The following ACAD11 variants were observed in gnomAD, a reference collection of about 807,000 sequenced individuals.
The protein encoded by ACAD11 is acyl-CoA dehydrogenase family member 11, also known as acyl-Coenzyme A dehydrogenase family, member 11.
Under a neutral mutation model 102.2 loss-of-function variants are expected in ACAD11, and 83 were observed. That is an observed-to-expected ratio of 0.81 (90% CI 0.68 to 0.97). The LOEUF is 0.97. ACAD11 is among the 50% of genes least tolerant of loss of function. The probability of loss-of-function intolerance (pLI) is 0.00; values close to 1 mark genes in which losing one functional copy is unlikely to be tolerated. For synonymous variants in ACAD11, 324 were observed against 319.8 expected, an observed-to-expected ratio of 1.01 and a Z score of -0.14; for missense variants, 901 against 951.7, an observed-to-expected ratio of 0.95 and a Z score of 0.70.
At chr3:132,640,666 C>A (rs566593444) in intron 4 of ACAD11, among the ~76,000 whole-genome samples, 4 of 152,128 alleles carry the variant, frequency 2.6e-5, no homozygotes, top group East Asian at 1.9e-4. Context: ...AAGCCACTTA[C>A]TTGTGTATTA....
At chr3:132,562,242 T>C (rs1197813253) in intron 17 of ACAD11, among the ~76,000 whole-genome samples, 1 of 152,210 alleles carries the variant, frequency 6.6e-6, no homozygotes, top group African/African-American at 2.4e-5. Context: ...TAGCTGGGAC[T>C]ACAGGCGCCC....
chr3:132,628,578 G>T, intron 7 of ACAD11, 132 bp from the exon 8 acceptor site: 2 of 573,298 alleles, frequency 3.5e-6, no homozygotes, highest in South Asian at 2.4e-5. Flanking sequence ...GACTATCGAC[G>T]ATATTAATGT....
intron 1 of ACAD11, chr3:132,646,419 A>C (rs1350308036): frequency 6.6e-6 from 1 of 152,216 alleles, no homozygotes; most frequent in African/African-American, 2.4e-5. Flanking sequence ...TTACAAACAC[A>C]TTTTTTAAAA....
At chr3:132,582,007 C>T (rs963050361) in intron 13 of ACAD11, among the ~76,000 whole-genome samples, 3 of 151,600 alleles carry the variant, frequency 2.0e-5, no homozygotes, top group Admixed American at 6.6e-5. Flanking sequence ...ATACAAGTTA[C>T]AATAAGAAAG....
rs1020022967 is a variant in ACAD11, at chr3:132,558,707, G to T, written c.*264C>A. 5.3e-6 allele frequency: 2 copies of T among 374,540 alleles called. No individual in the cohort carries two copies. Among genetic ancestry groups the T allele is most frequent in the Non-Finnish European group, 9.5e-6 (2 of 210,424 alleles). 23.2% of individuals were successfully genotyped at this position (374,540 alleles called of 1,614,324 possible). A position where few individuals can be genotyped will look rare whatever the true frequency, so the allele number is the denominator to read the frequency against. On this transcript the variant is annotated 3_prime_UTR_variant, in exon 20 of 20. Coordinates refer to ENST00000264990, the MANE Select transcript of ACAD11 (RefSeq NM_032169.5). ...GTAGCAATGGGGGTCTCGCTATGTT[G>T]CCCAGGCTGGTCCTGAACTCCTGGC...
intron 6 of ACAD11, 44 bp downstream of exon 6, chr3:132,631,297 A>T (rs776105527): frequency 8.3e-7 from 1 of 1,202,466 alleles, no homozygotes; most frequent in East Asian, 2.9e-5. Flanking sequence ...TAATAAAGAC[A>T]GTTTTATATT....
intron 12 of ACAD11, among the ~76,000 whole-genome samples, chr3:132,603,701 C>A (rs960386551): frequency 6.6e-6 from 1 of 152,220 alleles, no homozygotes; most frequent in Admixed American, 6.5e-5. Context: ...AGATTCCCCC[C>A]ATATAGTTTA....
chr3:132,639,097 AAAT>A (rs1940383596), intron 5 of ACAD11, among the ~76,000 whole-genome samples: 1 of 152,242 alleles, frequency 6.6e-6, no homozygotes. Context: ...TATAATAAAC[AAAT>A]AATAAATTCT....
intron 17 of ACAD11, 92 bp downstream of exon 17, chr3:132,575,680 A>C: frequency 7.4e-6 from 11 of 1,478,606 alleles, no homozygotes; most frequent in African/African-American, 1.4e-5. Context: ...CGGTTCATGT[A>C]GAGAAAGTCT....
rs143271405 is a variant in ACAD11, at chr3:132,561,187, G to A, written c.2032C>T (p.Arg678Cys). 5.6e-5 allele frequency: 90 copies of A among 1,613,170 alleles called. 1 individual carries two copies. The highest frequency in any genetic ancestry group is 1.6e-4 in the Middle Eastern group (1 of 6,082). Residue 678 changes from arginine to cysteine, a missense_variant, in exon 18 of 20, where the codon CGC becomes TGC. By Grantham distance (180) the Arg-to-Cys change is radical. Transcript: ENST00000264990. ...EVVAHWIAESRIAIEKIRLLT... is the reference protein window; with the variant it reads ...EVVAHWIAESCIAIEKIRLLT... The stretch of plus-strand genomic sequence containing the variant: ...AAGCGGATCTTCTCAATGGCAATGC[G>A]GCTTTCAGCAATCCAGTGAGCCACA...
At position 132,567,225 on chromosome 3, in the gene ACAD11, C is replaced by T. The variant is rs938552856; in HGVS notation, c.2002-6008G>A. Among the ~76,000 whole-genome samples, 8 of 152,204 alleles carry T rather than the reference C, an allele frequency of 5.3e-5. No homozygotes were observed. In the East Asian group the frequency reaches 5.8e-4, roughly 11 times the overall value. On this transcript the variant is annotated intron_variant, in intron 17 of 19. Coordinates refer to ENST00000264990, the MANE Select transcript of ACAD11 (RefSeq NM_032169.5). ...AACTCCTGACCTCAAATGATCCACCCGCCATGGCCTCCCAAAGTGTGGGAT... is the reference window on the plus strand; with the variant it reads ...AACTCCTGACCTCAAATGATCCACCTGCCATGGCCTCCCAAAGTGTGGGAT...
In ACAD11 at chr3:132,558,959, G is replaced by A. The variant is rs765821060; in HGVS notation, c.*12C>T. On this transcript the variant is annotated 3_prime_UTR_variant, in exon 20 of 20. Coordinates refer to ENST00000264990, the MANE Select transcript of ACAD11 (RefSeq NM_032169.5). ...GAGTTTCTGCCAGTGGGATGTGGCA[G>A]TGCCACCCTCCTTATATCTTGGCTG... is the stretch of plus-strand genomic sequence containing the variant. 4 of 1,596,924 alleles carry A rather than the reference G, an allele frequency of 2.5e-6. No individual in the cohort carries two copies.
At chr3:132,605,056 G>T in intron 12 of ACAD11, 42 bp downstream of exon 12, 1 of 1,473,668 alleles carries the variant, frequency 6.8e-7, no homozygotes, top group East Asian at 2.3e-5. Flanking sequence ...ATAACTCCGG[G>T]ACGACTGACT....
chr3:132,654,853 C>A (rs568221454), intron 1 of ACAD11, among the ~76,000 whole-genome samples: 3 of 152,166 alleles, frequency 2.0e-5, no homozygotes, highest in Admixed American at 1.3e-4. Flanking sequence ...GGCACTGATT[C>A]GTTGTGAAAC....
intron 13 of ACAD11, chr3:132,600,441 A>G: frequency 1.2e-6 from 2 of 1,609,694 alleles, no homozygotes; most frequent in Non-Finnish European, 1.7e-6. Flanking sequence ...TATTATGAGG[A>G]AAATGAAATG....
Position 132,603,339 on chromosome 3 carries a change from C to A in ACAD11, c.1523-12G>T. On this transcript the variant is annotated splice_polypyrimidine_tract_variant and intron_variant, in intron 12 of 19. Coordinates refer to ENST00000264990, the MANE Select transcript of ACAD11 (RefSeq NM_032169.5). ...AGCTACATCAGGTTCTATAAATAAACAAAAGCTGAATTTACAGGCAGGCAG... is the reference window on the plus strand; with the variant it reads ...AGCTACATCAGGTTCTATAAATAAAAAAAAGCTGAATTTACAGGCAGGCAG... The A allele has an allele frequency of 6.2e-7, 1 of 1,611,252 alleles. No homozygotes were observed. Among genetic ancestry groups the A allele is most frequent in the Non-Finnish European group, 8.5e-7 (1 of 1,177,770 alleles).
At position 132,640,102 on chromosome 3, in the gene ACAD11, A is replaced by C. The variant is rs147814275; in HGVS notation, c.538-446T>G. Among the ~76,000 whole-genome samples, 566 of 152,242 alleles carry C rather than the reference A, an allele frequency of 3.7e-3. 2 individuals carry two copies. The highest frequency in any genetic ancestry group is 0.013 in the African/African-American group (539 of 41,552). On this transcript the variant is annotated intron_variant, in intron 4 of 19. Coordinates refer to ENST00000264990, the MANE Select transcript of ACAD11 (RefSeq NM_032169.5). ...AAAAGGGAATATGGGGACTAGAAGA[A>C]AAAAGAAGACATTTACTTTTTTTTT...
chr3:132,646,481 T>C (rs1940722728), intron 1 of ACAD11: 1 of 152,218 alleles, frequency 6.6e-6, no homozygotes. Flanking sequence ...TCTCTAGTCT[T>C]ATATAAAGCA....
chr3:132,596,378 A>T (rs1160193933), intron 13 of ACAD11, among the ~76,000 whole-genome samples: 1 of 152,158 alleles, frequency 6.6e-6, no homozygotes, highest in South Asian at 2.1e-4. Flanking sequence ...CCCATGATAC[A>T]TGTTTACCTG....
Sources: allele counts gnomAD v4.1 joint callset (sites outside exome capture counted in the v4.1 genomes callset), GRCh38; gene constraint gnomAD v4.1.1; transcripts MANE v1.5; gene names NCBI Gene and HGNC (gene_info 2026-07-23, HGNC 2026-07-21).